Variants in GRIK4 observed in about 807,000 individuals in gnomAD.
The protein encoded by GRIK4 is glutamate receptor ionotropic, kainate 4.
GRIK4 carries 40 observed loss-of-function variants against 104.9 expected under a neutral mutation model. The ratio of observed to expected loss-of-function variants is 0.38; its 90% CI spans 0.30 to 0.50. GRIK4 has a LOEUF of 0.50. Ranked by LOEUF, GRIK4 falls within the 20% of genes least tolerant of loss-of-function variation. GRIK4 has a pLI of 0.93. For missense variants in GRIK4, 1,047 were observed against 1,308.1 expected (o/e 0.80, Z 3.08); for synonymous variants, 485 against 524.9 (o/e 0.92, Z 1.04).
intron 3 of GRIK4, among the ~76,000 whole-genome samples, chr11:120,703,362 G>A (rs2135337993): frequency 6.6e-6 from 1 of 152,244 alleles, no homozygotes. Flanking sequence ...TGTTCTAAAG[G>A]GGGCTGGATT....
intron 3 of GRIK4, among the ~76,000 whole-genome samples, chr11:120,682,591 C>CTT (rs34209497): frequency 0.013 from 1,906 of 145,036 alleles, 41 homozygotes; most frequent in African/African-American, 0.043. Flanking sequence ...TTGCCCCCAT[C>CTT]TTTTTTTTTT....
intron 6 of GRIK4, among the ~76,000 whole-genome samples, chr11:120,820,146 A>G (rs1338329833): frequency 6.6e-6 from 1 of 151,846 alleles, no homozygotes; most frequent in Admixed American, 6.6e-5. Flanking sequence ...AGAGAGAAAG[A>G]GAGAGAGAGA....
chr11:120,984,978 G>A lies in GRIK4; in HGVS notation c.2515-926G>A, dbSNP rs566847458. Among the ~76,000 whole-genome samples, 6 of 151,766 alleles carry A rather than the reference G, an allele frequency of 4.0e-5. No individual in the cohort carries two copies. In the East Asian group the frequency reaches 9.8e-4, roughly 25 times the overall value. ...CGAGTAGCTGAGATTACAGGCACACGCCACCACGCCCAGCTAAATTTTGTG... is the reference window on the plus strand; with the variant it reads ...CGAGTAGCTGAGATTACAGGCACACACCACCACGCCCAGCTAAATTTTGTG... On this transcript the variant is annotated intron_variant, in intron 20 of 20. Coordinates refer to ENST00000527524, the MANE Select transcript of GRIK4 (RefSeq NM_014619.5).
intron 7 of GRIK4, among the ~76,000 whole-genome samples, chr11:120,832,368 C>T (rs1174196212): frequency 1.3e-5 from 2 of 152,176 alleles, no homozygotes; most frequent in African/African-American, 2.4e-5. Flanking sequence ...TGGGCAGAGG[C>T]TGTCTGCCAA....
rs534610410 is a variant in GRIK4 at position 120,596,764 on chromosome 11, G to A, written c.-158-56921G>A. ...TTTTTAGACAGAGTGTCACTTTGTC[G>A]CCCAGGCTGAAGTGCAGTGGCGCCA... On this transcript the variant is annotated intron_variant, in intron 1 of 20. Transcript: ENST00000527524. 2.0e-4 allele frequency among the ~76,000 whole-genome samples: 31 copies of A among 151,784 alleles called. No individual in the cohort carries two copies. In the East Asian group the frequency reaches 3.3e-3, roughly 16 times the overall value.
At chr11:120,514,964 G>A (rs763112959) in intron 1 of GRIK4, 14 of 456,498 alleles carry the variant, frequency 3.1e-5, no homozygotes, top group Admixed American at 4.7e-5. Flanking sequence ...CCATCCTGCC[G>A]CTGTGCCTGT....
chr11:120,765,304 C>T (rs1383812201), intron 3 of GRIK4, among the ~76,000 whole-genome samples: 2 of 151,850 alleles, frequency 1.3e-5, no homozygotes, highest in East Asian at 3.9e-4. Context: ...TTTTCAGCTC[C>T]ATCAGGTCAT....
chr11:120,587,444 G>A (rs894254683), intron 1 of GRIK4, among the ~76,000 whole-genome samples: 1 of 152,156 alleles, frequency 6.6e-6, no homozygotes, highest in African/African-American at 2.4e-5. Flanking sequence ...TGTGTCACCT[G>A]GGAAAAGTTA....
At chr11:120,885,366 T>C (rs1195488006) in intron 11 of GRIK4, among the ~76,000 whole-genome samples, 2 of 151,456 alleles carry the variant, frequency 1.3e-5, no homozygotes, top group Admixed American at 6.6e-5. Flanking sequence ...GAAGTTGGGG[T>C]GTAGGCAACA....
chr11:120,713,651 G>A (rs945266130), intron 3 of GRIK4, among the ~76,000 whole-genome samples: 4 of 152,196 alleles, frequency 2.6e-5, no homozygotes, highest in Non-Finnish European at 5.9e-5. Flanking sequence ...TTTTAAGGGA[G>A]GAGGAAAGAC....
intron 3 of GRIK4, among the ~76,000 whole-genome samples, chr11:120,681,714 G>A (rs1004232557): frequency 6.6e-5 from 10 of 152,292 alleles, no homozygotes; most frequent in East Asian, 1.9e-4. Context: ...AATCATCCCC[G>A]TCACAGGCAG....
intron 1 of GRIK4, among the ~76,000 whole-genome samples, chr11:120,529,357 A>G (rs143473502): frequency 6.6e-6 from 1 of 152,336 alleles, no homozygotes; most frequent in East Asian, 1.9e-4. Flanking sequence ...CAAAGAGAGG[A>G]GCAAGCCCAG....
intron 8 of GRIK4, among the ~76,000 whole-genome samples, chr11:120,848,172 G>A (rs1953894646): frequency 6.6e-6 from 1 of 152,198 alleles, no homozygotes; most frequent in African/African-American, 2.4e-5. Flanking sequence ...AGCCGTTGAG[G>A]GGGCAGGGGA....
At chr11:120,772,118 G>T (rs1171300888) in intron 3 of GRIK4, among the ~76,000 whole-genome samples, 3 of 152,244 alleles carry the variant, frequency 2.0e-5, no homozygotes, top group African/African-American at 7.2e-5. Context: ...CTCTGCCCCA[G>T]TGTGTCTAGA....
chr11:120,798,020 G>A (rs1253275799), intron 3 of GRIK4, among the ~76,000 whole-genome samples: 3 of 152,192 alleles, frequency 2.0e-5, no homozygotes, highest in Admixed American at 6.5e-5. Context: ...GTTTCACAGT[G>A]TTCTGGAGGC....
At chr11:120,837,167 G>T (rs1953595707) in intron 8 of GRIK4, among the ~76,000 whole-genome samples, 2 of 152,138 alleles carry the variant, frequency 1.3e-5, no homozygotes, top group African/African-American at 4.8e-5. Context: ...ATGGACTTAG[G>T]GATCAGGTGT....
At chr11:120,577,250 G>C (rs1591707963) in intron 1 of GRIK4, among the ~76,000 whole-genome samples, 1 of 152,070 alleles carries the variant, frequency 6.6e-6, no homozygotes, top group East Asian at 1.9e-4. Flanking sequence ...GAGTTGCTGT[G>C]GTCTAGAGAC....
intron 1 of GRIK4, among the ~76,000 whole-genome samples, chr11:120,617,182 C>T (rs114566063): frequency 9.5e-4 from 144 of 152,246 alleles, no homozygotes; most frequent in African/African-American, 3.1e-3. Context: ...CAAGAGGTTA[C>T]GGTTAAGAAC....
At chr11:120,613,522 G>T (rs377034270) in intron 1 of GRIK4, among the ~76,000 whole-genome samples, 1 of 152,214 alleles carries the variant, frequency 6.6e-6, no homozygotes, top group Non-Finnish European at 1.5e-5. Context: ...GATTGACCAG[G>T]AATGCAGGGC....
Sources: gnomAD v4.1 joint callset for allele counts (sites outside exome capture counted in the v4.1 genomes callset) on GRCh38, gnomAD v4.1.1 for gene constraint, MANE v1.5 for transcripts, NCBI Gene and HGNC (gene_info 2026-07-23, HGNC 2026-07-21) for gene names.